SPAG9: variants seen among roughly 807,000 people sequenced by gnomAD.
SPAG9 encodes sperm associated antigen 9, also known as C-Jun-amino-terminal kinase-interacting protein 4.
Under a neutral mutation model 166.5 loss-of-function variants are expected in SPAG9, and 35 were observed. That is an observed-to-expected ratio of 0.21 (90% confidence interval 0.16 to 0.28). SPAG9 has a LOEUF of 0.28. Ranked by LOEUF, SPAG9 falls within the 10% of genes least tolerant of loss-of-function variation. The probability of loss-of-function intolerance (pLI) is 1.00; values close to 1 mark genes in which losing one functional copy is unlikely to be tolerated. For synonymous variants in SPAG9, 534 were observed against 565.5 expected, an observed-to-expected ratio of 0.94 and a Z score of 0.79; for missense variants, 1,235 against 1,603.3, an observed-to-expected ratio of 0.77 and a Z score of 3.92.
At chr17:51,114,491 A>G (rs1352770445) in intron 1 of SPAG9, among the ~76,000 whole-genome samples, 1 of 152,074 alleles carries the variant, frequency 6.6e-6, no homozygotes. Flanking sequence ...GTAGCTGGGC[A>G]TGGTGGCTCA....
At chr17:51,113,215 T>C (rs1282413564) in intron 1 of SPAG9, among the ~76,000 whole-genome samples, 1 of 150,520 alleles carries the variant, frequency 6.6e-6, no homozygotes, top group Non-Finnish European at 1.5e-5. Context: ...TAGCTGGCCA[T>C]GGTGGCACAT....
In SPAG9 at chr17:51,049,501, C is replaced by A. The variant is rs371752970; in HGVS notation, c.496-2032G>T. Among the ~76,000 whole-genome samples, 9 of 152,098 alleles carry A rather than the reference C, an allele frequency of 5.9e-5. No homozygotes were observed. In the East Asian group the frequency reaches 1.7e-3, roughly 29 times the overall value. ...GACCAACCTGAGCAACACAGGGAGA[C>A]CCTGTCTCTACAAAAAAATTTTTAA... On this transcript the variant is annotated intron_variant, in intron 3 of 29. Coordinates refer to ENST00000262013, the MANE Select transcript of SPAG9 (RefSeq NM_001130528.3).
At chr17:50,980,141 A>T (rs1195691901) in intron 25 of SPAG9, among the ~76,000 whole-genome samples, 1 of 152,210 alleles carries the variant, frequency 6.6e-6, no homozygotes, top group Non-Finnish European at 1.5e-5. Context: ...ATATCACCTT[A>T]TAACAGCAAT....
chr17:51,047,238 T>G, intron 4 of SPAG9, 137 bp downstream of exon 4: 1 of 583,040 alleles, frequency 1.7e-6, no homozygotes. Context: ...TATTCTCTCC[T>G]GCAGCATTCC....
At position 51,076,985 on chromosome 17, in the gene SPAG9, TCTAGCTATCTAGCTATCTAGCTAGCTAG is replaced by T. The variant is rs1177051667; in HGVS notation, c.424+2571_424+2598del. Among the ~76,000 whole-genome samples the T allele has an allele frequency of 7.1e-4, 72 of 101,678 alleles. 1 individual carries two copies. The East Asian group carries it at 0.01, about 14-fold the overall frequency. The allele number at this position is 101,678 out of a possible 152,430, so 66.7% of individuals were successfully genotyped here. On this transcript the variant is annotated intron_variant, in intron 2 of 29. Coordinates refer to ENST00000262013, the MANE Select transcript of SPAG9 (RefSeq NM_001130528.3). ...ATCTTGTCTCTATCTATCTATCTTA[TCTAGCTATCTAGCTATCTAGCTAGCTAG>T]CTAGCTATCTAGCTATCTATCTAGC... is the stretch of plus-strand genomic sequence containing the variant.
At chr17:51,109,449 C>T (rs1000453486) in intron 1 of SPAG9, among the ~76,000 whole-genome samples, 65 of 152,066 alleles carry the variant, frequency 4.3e-4, no homozygotes, top group African/African-American at 1.5e-3. Flanking sequence ...GTTGGTCAGG[C>T]TGGTCTCGAA....
At chr17:50,998,356 C>T (rs2044770981) in intron 15 of SPAG9, 88 bp downstream of exon 15, 1 of 1,221,102 alleles carries the variant, frequency 8.2e-7, no homozygotes, top group Non-Finnish European at 1.2e-6. Flanking sequence ...ATAGATTTAC[C>T]TGAATCCTTA....
intron 2 of SPAG9, among the ~76,000 whole-genome samples, chr17:51,072,391 CAA>C (rs749729856): frequency 6.8e-6 from 1 of 146,414 alleles, no homozygotes; most frequent in Non-Finnish European, 1.5e-5. Context: ...ATTTAAAAAA[CAA>C]AAAATCAGGC....
At chr17:51,035,619 A>G (rs1167892382) in intron 5 of SPAG9, among the ~76,000 whole-genome samples, 7 of 152,228 alleles carry the variant, frequency 4.6e-5, no homozygotes, top group Admixed American at 2.0e-4. Context: ...TGCTAAGCAC[A>G]TCCCCTGAAG....
At chr17:50,976,725 CA>C (rs974771871) in intron 27 of SPAG9, 1 of 153,554 alleles carries the variant, frequency 6.5e-6, no homozygotes, top group African/African-American at 2.4e-5. Flanking sequence ...TTTTAAACCT[CA>C]AATAAGACAA....
intron 1 of SPAG9, among the ~76,000 whole-genome samples, chr17:51,117,188 TAA>T (rs781160481): frequency 2.0e-5 from 3 of 152,182 alleles, no homozygotes. Context: ...CCTATCAATA[TAA>T]AGATTAAATT....
At chr17:51,023,867 C>T (rs558897924) in intron 6 of SPAG9, among the ~76,000 whole-genome samples, 1 of 152,274 alleles carries the variant, frequency 6.6e-6, no homozygotes, top group East Asian at 1.9e-4. Context: ...AGTTTTGCCA[C>T]GCTGCCCAGG....
intron 27 of SPAG9, chr17:50,976,798 GT>G (rs1974240006): frequency 4.4e-6 from 1 of 229,504 alleles, no homozygotes; most frequent in Non-Finnish European, 8.5e-6. Context: ...GCTAGGTAGT[GT>G]TTTTGGATAA....
chr17:51,082,511 T>C (rs1469183272), intron 1 of SPAG9, among the ~76,000 whole-genome samples: 1 of 152,148 alleles, frequency 6.6e-6, no homozygotes, highest in African/African-American at 2.4e-5. Context: ...TACTTGTCTG[T>C]CCTCACTAGA....
At chr17:51,082,607 G>T (rs1399575971) in intron 1 of SPAG9, among the ~76,000 whole-genome samples, 3 of 151,904 alleles carry the variant, frequency 2.0e-5, no homozygotes, top group African/African-American at 7.3e-5. Context: ...CACATAGCAG[G>T]TTCTCAAATA....
intron 24 of SPAG9, among the ~76,000 whole-genome samples, chr17:50,983,269 G>T (rs1329129859): frequency 6.6e-6 from 1 of 152,192 alleles, no homozygotes; most frequent in Non-Finnish European, 1.5e-5. Context: ...CTTTTTGTAT[G>T]TAATCACCCA....
At chr17:51,075,208 AAAAAAAAAAAAAAG>A (rs1002997354) in intron 2 of SPAG9, among the ~76,000 whole-genome samples, 2 of 149,752 alleles carry the variant, frequency 1.3e-5, no homozygotes, top group African/African-American at 4.9e-5. Context: ...AAAAAAAAAA[AAAAAAAAAAAAAAG>A]AAGAAGAAGA....
At chr17:51,027,914 G>T (rs1332573731) in intron 6 of SPAG9, among the ~76,000 whole-genome samples, 1 of 152,124 alleles carries the variant, frequency 6.6e-6, no homozygotes, top group Non-Finnish European at 1.5e-5. Context: ...ATCATAGGAG[G>T]TGATAGCTCC....
chr17:51,024,255 C>G (rs536823301), intron 6 of SPAG9, among the ~76,000 whole-genome samples: 1 of 151,732 alleles, frequency 6.6e-6, no homozygotes, highest in East Asian at 2.0e-4. Flanking sequence ...GCGAGACTCT[C>G]TCCAAAAAAG....
Sources: gnomAD v4.1 joint callset for allele counts (sites outside exome capture counted in the v4.1 genomes callset) on GRCh38, gnomAD v4.1.1 for gene constraint, MANE v1.5 for transcripts, NCBI Gene and HGNC (gene_info 2026-07-23, HGNC 2026-07-21) for gene names.